Variants in SLC14A2 observed in about 807,000 individuals in gnomAD.
SLC14A2 encodes solute carrier family 14 member 2.
A neutral mutation model predicts 104.6 loss-of-function variants in SLC14A2; 91 were observed. That is an observed-to-expected ratio of 0.87 (90% CI 0.73 to 1.04). SLC14A2 has a LOEUF of 1.04. Among genes scored for constraint, SLC14A2 ranks in the 50% least tolerant of loss-of-function variants. SLC14A2 has a pLI of 0.00. For missense variants in SLC14A2, 1,189 were observed against 1,156.0 expected (o/e 1.03, Z -0.41); for synonymous variants, 476 against 466.4 (o/e 1.02, Z -0.27).
chr18:45,588,448 T>G (rs571820191), intron 2 of SLC14A2, among the ~76,000 whole-genome samples: 1 of 152,332 alleles, frequency 6.6e-6, no homozygotes, highest in Admixed American at 6.5e-5. Flanking sequence ...TTCTCCCTAA[T>G]GAAGTCATCC....
Position 45,440,674 on chromosome 18 carries a change from C to T in SLC14A2, c.-124-42559C>T, listed in dbSNP as rs1033861550. 3.9e-5 allele frequency among the ~76,000 whole-genome samples: 6 copies of T among 152,158 alleles called. No individual in the cohort carries two copies. The East Asian group carries it at 7.7e-4, about 20-fold the overall frequency. On this transcript the variant is annotated intron_variant, in intron 1 of 20. Transcript: ENST00000586448. ...GCACTATCACTTACAAGGTACATGA[C>T]GTTTGGAAAACTGATCTCTCTCAAA...
chr18:45,246,968 A>T (rs1253320399), intron 1 of SLC14A2, among the ~76,000 whole-genome samples: 3 of 152,236 alleles, frequency 2.0e-5, no homozygotes, highest in Admixed American at 2.0e-4. Flanking sequence ...TTGAAAAAGA[A>T]GAAACTAGAA....
chr18:45,442,927 G>T (rs1221323093), intron 1 of SLC14A2, among the ~76,000 whole-genome samples: 1 of 152,180 alleles, frequency 6.6e-6, no homozygotes, highest in Admixed American at 6.5e-5. Flanking sequence ...GGGATTGGCA[G>T]GTGCTAGGTT....
intron 1 of SLC14A2, among the ~76,000 whole-genome samples, chr18:45,257,148 T>C (rs1274521770): frequency 6.6e-6 from 1 of 152,222 alleles, no homozygotes; most frequent in Non-Finnish European, 1.5e-5. Flanking sequence ...GTTTTCAAGA[T>C]GGGCTTGTGT....
At chr18:45,339,621 A>C (rs1205957342) in intron 1 of SLC14A2, among the ~76,000 whole-genome samples, 1 of 152,186 alleles carries the variant, frequency 6.6e-6, no homozygotes, top group Non-Finnish European at 1.5e-5. Context: ...AGTAAATCGC[A>C]AACAATATAA....
chr18:45,443,495 G>A (rs955962856), intron 1 of SLC14A2, among the ~76,000 whole-genome samples: 25 of 152,152 alleles, frequency 1.6e-4, no homozygotes, highest in Admixed American at 1.3e-3. Flanking sequence ...TCTCTGGAAT[G>A]GGGGTCTTAT....
At chr18:45,414,596 TAAAAA>T (rs200138739) in intron 1 of SLC14A2, among the ~76,000 whole-genome samples, 2 of 143,410 alleles carry the variant, frequency 1.4e-5, no homozygotes, top group Admixed American at 7.0e-5. Flanking sequence ...ATCCAGAACT[TAAAAA>T]AAAAAAGAAT....
At chr18:45,396,426 C>T (rs968868780) in intron 1 of SLC14A2, among the ~76,000 whole-genome samples, 8 of 152,152 alleles carry the variant, frequency 5.3e-5, no homozygotes, top group African/African-American at 1.4e-4. Context: ...TACTCAGATA[C>T]ATATTCACCC....
At chr18:45,309,333 CTTTT>C (rs34479081) in intron 1 of SLC14A2, among the ~76,000 whole-genome samples, 3 of 144,708 alleles carry the variant, frequency 2.1e-5, no homozygotes, top group Non-Finnish European at 4.6e-5. Flanking sequence ...CTCAGAAGCA[CTTTT>C]TTTTTTTTTT....
intron 1 of SLC14A2, among the ~76,000 whole-genome samples, chr18:45,414,753 AAAAAATATATAT>A (rs1477043480): frequency 4.2e-4 from 27 of 64,002 alleles, no homozygotes; most frequent in Admixed American, 1.3e-3. Context: ...GTAAAAAAAA[AAAAAATATATAT>A]ATATATATAT....
chr18:45,583,579 G>C (rs1005573190), intron 2 of SLC14A2, among the ~76,000 whole-genome samples: 1 of 152,104 alleles, frequency 6.6e-6, no homozygotes, highest in Non-Finnish European at 1.5e-5. Flanking sequence ...ATGAATAAAT[G>C]AATGAGATAA....
At chr18:45,453,832 T>C (rs1426882952) in intron 1 of SLC14A2, among the ~76,000 whole-genome samples, 1 of 145,782 alleles carries the variant, frequency 6.9e-6, no homozygotes, top group Non-Finnish European at 1.5e-5. Flanking sequence ...AGTTCCGCTT[T>C]CTTTTTTCTT....
At chr18:45,669,257 T>G in intron 15 of SLC14A2, 49 bp from the exon 16 acceptor site, 1 of 1,514,354 alleles carries the variant, frequency 6.6e-7, no homozygotes, top group Non-Finnish European at 9.1e-7. Context: ...AGTCTAGTGT[T>G]ATGACCAGGC....
At chr18:45,257,771 A>C (rs1368793026) in intron 1 of SLC14A2, among the ~76,000 whole-genome samples, 2 of 152,204 alleles carry the variant, frequency 1.3e-5, no homozygotes, top group Non-Finnish European at 2.9e-5. Context: ...ATAGTCAAGT[A>C]TGTTTATATT....
chr18:45,310,001 A>G (rs542126906), intron 1 of SLC14A2, among the ~76,000 whole-genome samples: 1 of 151,954 alleles, frequency 6.6e-6, no homozygotes, highest in East Asian at 1.9e-4. Flanking sequence ...TTCACTCAAC[A>G]GATTGGTTTT....
chr18:45,385,060 T>G (rs1013616681), intron 1 of SLC14A2, among the ~76,000 whole-genome samples: 2 of 152,186 alleles, frequency 1.3e-5, no homozygotes, highest in African/African-American at 2.4e-5. Context: ...GTAATTGTCC[T>G]CCTCAGAGAT....
chr18:45,612,965 T>TC (rs1326259061), upstream of SLC14A2, among the ~76,000 whole-genome samples: 2 of 152,228 alleles, frequency 1.3e-5, no homozygotes, highest in African/African-American at 4.8e-5. Context: ...TCCTCAGGTC[T>TC]CCCCAGCATT....
chr18:45,255,996 G>C (rs1290572666), intron 1 of SLC14A2, among the ~76,000 whole-genome samples: 1 of 152,066 alleles, frequency 6.6e-6, no homozygotes, highest in Non-Finnish European at 1.5e-5. Flanking sequence ...TTTCATAATT[G>C]GGGCAGTCAT....
At chr18:45,410,336 A>G (rs1204963359) in intron 1 of SLC14A2, among the ~76,000 whole-genome samples, 5 of 152,174 alleles carry the variant, frequency 3.3e-5, no homozygotes, top group African/African-American at 1.2e-4. Context: ...ACTTTAAGCA[A>G]ACTTCATAAA....
Sources: allele counts gnomAD v4.1 joint callset (sites outside exome capture counted in the v4.1 genomes callset), GRCh38; gene constraint gnomAD v4.1.1; transcripts MANE v1.5; gene names NCBI Gene and HGNC (gene_info 2026-07-23, HGNC 2026-07-21).